Variants in GPAT3 observed in about 807,000 individuals in gnomAD.
GPAT3 encodes glycerol-3-phosphate acyltransferase 3.
GPAT3 carries 53 observed loss-of-function variants against 58.8 expected under a neutral mutation model. The observed-to-expected ratio is 0.90, with a 90% CI of 0.72 to 1.13. The LOEUF is 1.13. GPAT3 is among the 50% of genes most tolerant of loss of function. The pLI is 0.00. For synonymous variants in GPAT3, 197 were observed against 187.4 expected (o/e 1.05, Z -0.42); for missense variants, 511 against 527.6 (o/e 0.97, Z 0.31).
Position 83,562,232 on chromosome 4 carries a change from A to ATATAATATATG in GPAT3, c.208+17640_208+17641insGTATAATATAT, listed in dbSNP as rs1560611235. On this transcript the variant is annotated intron_variant, in intron 2 of 11. Transcript: ENST00000264409. ...TATATTATATATATATATAATATAT[A>ATATAATATATG]TATAATATATATATATAAAATATAG... 4.9e-3 allele frequency among the ~76,000 whole-genome samples: 372 copies of ATATAATATATG among 76,310 alleles called. 9 individuals are homozygous for ATATAATATATG. Among genetic ancestry groups the ATATAATATATG allele is most frequent in the African/African-American group, 0.018 (353 of 19,272 alleles). 50.1% of individuals were successfully genotyped at this position (76,310 alleles called of 152,430 possible). A position where few individuals can be genotyped will look rare whatever the true frequency, so the allele number is the denominator to read the frequency against.
intron 2 of GPAT3, among the ~76,000 whole-genome samples, chr4:83,579,133 T>C (rs199528737): frequency 8.6e-6 from 1 of 115,656 alleles, no homozygotes; most frequent in Admixed American, 9.6e-5. Flanking sequence ...CTTCCTTTCT[T>C]TCTCCCTCCC....
At chr4:83,604,356 C>T (rs1260236869) in intron 11 of GPAT3, among the ~76,000 whole-genome samples, 3 of 152,206 alleles carry the variant, frequency 2.0e-5, no homozygotes. Flanking sequence ...CAGATGTGAG[C>T]CACTGTGCCT....
At chr4:83,595,687 C>T (rs1264864913) in intron 7 of GPAT3, among the ~76,000 whole-genome samples, 1 of 151,884 alleles carries the variant, frequency 6.6e-6, no homozygotes, top group Non-Finnish European at 1.5e-5. Context: ...GCCCTCCAGC[C>T]TAGGCAACAG....
In GPAT3 at chr4:83,602,640, G is replaced by A. The variant is rs141942937; in HGVS notation, c.1206-2028G>A. On this transcript the variant is annotated intron_variant, in intron 11 of 11. Transcript: ENST00000264409. Reference sequence around the variant, plus strand: ...AGGGGTGGCAAATCACAGTTTAAGTGCTTAGAGCAGCATGAGGTTTACTGG... The same window carrying A: ...AGGGGTGGCAAATCACAGTTTAAGTACTTAGAGCAGCATGAGGTTTACTGG... 3.7e-3 allele frequency among the ~76,000 whole-genome samples: 565 copies of A among 152,310 alleles called. 5 individuals carry two copies. The highest frequency in any genetic ancestry group is 0.013 in the African/African-American group (536 of 41,570).
At chr4:83,598,550 T>C (rs1726934412) in intron 10 of GPAT3, 94 bp from the exon 11 acceptor site, 6 of 1,056,816 alleles carry the variant, frequency 5.7e-6, no homozygotes, top group Non-Finnish European at 8.7e-6. Flanking sequence ...GAAATATGAA[T>C]CTTATATTTT....
At chr4:83,542,399 C>A (rs1724337068) in intron 1 of GPAT3, among the ~76,000 whole-genome samples, 1 of 152,184 alleles carries the variant, frequency 6.6e-6, no homozygotes, top group Admixed American at 6.5e-5. Flanking sequence ...TAACAGGATG[C>A]AATCAGATTA....
At chr4:83,553,136 G>A (rs977298593) in intron 2 of GPAT3, among the ~76,000 whole-genome samples, 9 of 152,206 alleles carry the variant, frequency 5.9e-5, no homozygotes, top group Non-Finnish European at 1.2e-4. Flanking sequence ...GAAAGTAAAT[G>A]ACTTAGCATT....
At chr4:83,545,831 T>C (rs1043322330) in intron 2 of GPAT3, among the ~76,000 whole-genome samples, 2 of 152,198 alleles carry the variant, frequency 1.3e-5, no homozygotes, top group Non-Finnish European at 2.9e-5. Context: ...GAACAAACTT[T>C]GTTGCTGGTT....
At chr4:83,574,521 C>T (rs1256621218) in intron 2 of GPAT3, among the ~76,000 whole-genome samples, 1 of 151,622 alleles carries the variant, frequency 6.6e-6, no homozygotes, top group Non-Finnish European at 1.5e-5. Flanking sequence ...TTATCTTCAT[C>T]CAAGCATGGA....
At chr4:83,561,382 T>C (rs780423325) in intron 2 of GPAT3, among the ~76,000 whole-genome samples, 1 of 152,252 alleles carries the variant, frequency 6.6e-6, no homozygotes, top group South Asian at 2.1e-4. Context: ...TGTTCCTTTT[T>C]TTTCAAGATT....
At chr4:83,545,934 G>T (rs1724488597) in intron 2 of GPAT3, among the ~76,000 whole-genome samples, 1 of 151,850 alleles carries the variant, frequency 6.6e-6, no homozygotes. Context: ...CATGTTTTGG[G>T]CCATGAATTT....
At chr4:83,592,929 T>G (rs1244102016) in intron 6 of GPAT3, among the ~76,000 whole-genome samples, 2 of 151,988 alleles carry the variant, frequency 1.3e-5, no homozygotes, top group African/African-American at 2.4e-5. Flanking sequence ...TGCAGTGGTG[T>G]GATCTCGGCT....
At chr4:83,603,593 C>A (rs1451638448) in intron 11 of GPAT3, among the ~76,000 whole-genome samples, 2 of 152,070 alleles carry the variant, frequency 1.3e-5, no homozygotes, top group Non-Finnish European at 2.9e-5. Context: ...GAGTTCGAGA[C>A]CAGCCTGGCA....
At chr4:83,595,096 G>C (rs1413895521) in intron 7 of GPAT3, 136 bp downstream of exon 7, 3 of 679,686 alleles carry the variant, frequency 4.4e-6, no homozygotes, top group African/African-American at 1.8e-5. Context: ...GATTTTTCTG[G>C]CAAATCACCT....
chr4:83,559,783 C>T (rs1412405121), intron 2 of GPAT3, among the ~76,000 whole-genome samples: 1 of 152,138 alleles, frequency 6.6e-6, no homozygotes, highest in Non-Finnish European at 1.5e-5. Flanking sequence ...CATGCATTCT[C>T]ACATGAACAA....
chr4:83,600,824 A>C (rs963102382), intron 11 of GPAT3, among the ~76,000 whole-genome samples: 2 of 152,108 alleles, frequency 1.3e-5, no homozygotes, highest in Non-Finnish European at 2.9e-5. Context: ...TCTTATTTAC[A>C]TACAGGATGT....
chr4:83,538,634 C>T (rs1724186244), intron 1 of GPAT3, among the ~76,000 whole-genome samples: 1 of 152,208 alleles, frequency 6.6e-6, no homozygotes, highest in Non-Finnish European at 1.5e-5. Flanking sequence ...AACTCAAGGT[C>T]AGCTAAGGAC....
intron 2 of GPAT3, among the ~76,000 whole-genome samples, chr4:83,548,982 T>C (rs948261612): frequency 2.7e-5 from 4 of 150,160 alleles, no homozygotes; most frequent in African/African-American, 9.8e-5. Context: ...TATACATTGA[T>C]TATATGAACA....
At chr4:83,571,749 T>G (rs1352693591) in intron 2 of GPAT3, among the ~76,000 whole-genome samples, 2 of 151,176 alleles carry the variant, frequency 1.3e-5, no homozygotes, top group African/African-American at 4.9e-5. Context: ...CGCATATATA[T>G]ATATGTGTAT....
Sources: allele counts gnomAD v4.1 joint callset (sites outside exome capture counted in the v4.1 genomes callset), GRCh38; gene constraint gnomAD v4.1.1; transcripts MANE v1.5; gene names NCBI Gene and HGNC (gene_info 2026-07-23, HGNC 2026-07-21).